The following QTMAN variants were observed in gnomAD, a reference collection of about 807,000 sequenced individuals.
The protein encoded by QTMAN is tRNA-queuosine alpha-mannosyltransferase.
the QTMAN span, among the ~76,000 whole-genome samples, chr2:144,321,304 T>C: frequency 9.2e-5 from 14 of 152,286 alleles, no homozygotes; most frequent in African/African-American, 3.4e-4. Context: ...CCTGTTTCTG[T>C]TGTGAGGGAA....
At chr2:144,097,305 C>T in the QTMAN span, among the ~76,000 whole-genome samples, 7 of 152,198 alleles carry the variant, frequency 4.6e-5, no homozygotes, top group South Asian at 2.1e-4. Flanking sequence ...CATTCATCCA[C>T]CCTTGTTCTT....
the QTMAN span, among the ~76,000 whole-genome samples, chr2:144,020,731 CTT>C: frequency 1.3e-5 from 2 of 151,996 alleles, no homozygotes; most frequent in South Asian, 4.1e-4. Flanking sequence ...AACAAGGGAA[CTT>C]TTCCTGTTTC....
At chr2:144,122,694 T>C in the QTMAN span, among the ~76,000 whole-genome samples, 1 of 152,214 alleles carries the variant, frequency 6.6e-6, no homozygotes, top group South Asian at 2.1e-4. Context: ...TGCAATTATC[T>C]ACATGTGTAC....
the QTMAN span, among the ~76,000 whole-genome samples, chr2:144,297,074 A>G: frequency 1.3e-5 from 2 of 152,224 alleles, no homozygotes; most frequent in African/African-American, 4.8e-5. Context: ...TACGTGATTT[A>G]CTAACATTCC....
At chr2:144,219,495 C>CT in the QTMAN span, among the ~76,000 whole-genome samples, 1 of 151,878 alleles carries the variant, frequency 6.6e-6, no homozygotes, top group Non-Finnish European at 1.5e-5. Context: ...AGAAACTGTC[C>CT]TTTAACATCC....
chr2:144,206,877 T>A, the QTMAN span, among the ~76,000 whole-genome samples: 1 of 152,230 alleles, frequency 6.6e-6, no homozygotes, highest in African/African-American at 2.4e-5. Context: ...AAATGGCTCA[T>A]TTTAATGTTC....
At chr2:144,070,357 A>C in the QTMAN span, among the ~76,000 whole-genome samples, 1 of 152,120 alleles carries the variant, frequency 6.6e-6, no homozygotes, top group Non-Finnish European at 1.5e-5. Context: ...AATTTTCTAA[A>C]TGTATCTAGT....
the QTMAN span, among the ~76,000 whole-genome samples, chr2:144,157,645 C>T: frequency 1.4e-4 from 21 of 151,836 alleles, no homozygotes; most frequent in Non-Finnish European, 1.8e-4. Context: ...GTGTTGAAGG[C>T]AGGGATTGGA....
chr2:144,008,857 C>T, the QTMAN span, among the ~76,000 whole-genome samples: 2 of 152,000 alleles, frequency 1.3e-5, no homozygotes, highest in Admixed American at 1.3e-4. Context: ...CTGGCTACTT[C>T]GACAGGCCAC....
chr2:144,246,596 A>G, the QTMAN span, among the ~76,000 whole-genome samples: 2,390 of 150,802 alleles, frequency 0.016, 32 homozygotes, highest in Middle Eastern at 0.024. Context: ...AAAAAAAAAA[A>G]AAAAAAGAAA....
At chr2:144,035,244 G>T in the QTMAN span, among the ~76,000 whole-genome samples, 49 of 152,208 alleles carry the variant, frequency 3.2e-4, no homozygotes, top group Admixed American at 2.6e-3. Flanking sequence ...TGCCATGATT[G>T]TAAGTTTCCT....
the QTMAN span, chr2:144,237,354 G>A: frequency 6.6e-6 from 1 of 152,222 alleles, no homozygotes; most frequent in East Asian, 1.9e-4. Context: ...GAATTTCAGA[G>A]ATGAAGACAG....
chr2:144,224,644 CAGA>C, the QTMAN span, among the ~76,000 whole-genome samples: 11 of 152,016 alleles, frequency 7.2e-5, no homozygotes, highest in Non-Finnish European at 1.3e-4. Context: ...AAACAGAAAT[CAGA>C]AGAAGGGGCG....
the QTMAN span, among the ~76,000 whole-genome samples, chr2:144,056,652 C>T: frequency 6.6e-6 from 1 of 152,326 alleles, no homozygotes; most frequent in East Asian, 1.9e-4. Flanking sequence ...CATACTCAAT[C>T]TTCACTCTCT....
chr2:144,082,709 A>G, the QTMAN span, among the ~76,000 whole-genome samples: 1 of 152,218 alleles, frequency 6.6e-6, no homozygotes, highest in Non-Finnish European at 1.5e-5. Context: ...TTGACCTGCC[A>G]ATGATGTCAC....
chr2:144,046,340 TTA>T, the QTMAN span, among the ~76,000 whole-genome samples: 1 of 152,254 alleles, frequency 6.6e-6, no homozygotes, highest in Non-Finnish European at 1.5e-5. Context: ...GACTTTTTTG[TTA>T]TGTTTTTCAT....
At chr2:144,031,967 T>C in the QTMAN span, among the ~76,000 whole-genome samples, 2 of 152,146 alleles carry the variant, frequency 1.3e-5, no homozygotes, top group Non-Finnish European at 2.9e-5. Flanking sequence ...GTATTTTTAG[T>C]GGCGACGGGG....
chr2:144,143,527 G>A, the QTMAN span, among the ~76,000 whole-genome samples: 8 of 151,866 alleles, frequency 5.3e-5, no homozygotes, highest in Admixed American at 3.9e-4. Context: ...TGCATCCCTT[G>A]AAAAAAACTG....
the QTMAN span, among the ~76,000 whole-genome samples, chr2:144,051,159 T>A: frequency 6.6e-6 from 1 of 152,304 alleles, no homozygotes; most frequent in South Asian, 2.1e-4. Context: ...GATCTAATAG[T>A]TAAGATATAT....
Sources: gnomAD v4.1 joint callset for allele counts (sites outside exome capture counted in the v4.1 genomes callset) on GRCh38, gnomAD v4.1.1 for gene constraint, MANE v1.5 for transcripts, NCBI Gene and HGNC (gene_info 2026-07-23, HGNC 2026-07-21) for gene names.